The following PDXDC1 variants were observed in gnomAD, a reference collection of about 807,000 sequenced individuals.
PDXDC1 encodes pyridoxal dependent decarboxylase domain containing 1.
Under a neutral mutation model 100.1 loss-of-function variants are expected in PDXDC1, and 42 were observed. The observed-to-expected ratio is 0.42, with a 90% confidence interval of 0.33 to 0.54. PDXDC1 has a LOEUF of 0.54. Among genes scored for constraint, PDXDC1 ranks in the 20% least tolerant of loss-of-function variants. The pLI, the probability that PDXDC1 is intolerant of heterozygous loss-of-function variation, is 0.10. For missense variants in PDXDC1, 636 were observed against 979.2 expected (o/e 0.65, Z 4.68); for synonymous variants, 260 against 371.7 (o/e 0.70, Z 3.46).
At chr16:15,129,395 C>A (rs1598225404) in intron 16 of PDXDC1, among the ~76,000 whole-genome samples, 1 of 151,992 alleles carries the variant, frequency 6.6e-6, no homozygotes, top group Admixed American at 6.6e-5. Flanking sequence ...GCCAAGATCA[C>A]GCCACTGCAC....
intron 16 of PDXDC1, chr16:15,137,881 C>G: frequency 2.0e-6 from 2 of 975,790 alleles, no homozygotes; most frequent in Non-Finnish European, 3.2e-6. Context: ...GCGGCAGCCA[C>G]GCCAGGCCAC....
intron 16 of PDXDC1, among the ~76,000 whole-genome samples, chr16:15,049,650 T>C (rs938136997): frequency 6.6e-6 from 1 of 152,014 alleles, no homozygotes; most frequent in African/African-American, 2.4e-5. Context: ...GGTATCAAAC[T>C]CCTGGCCTCA....
chr16:15,133,572 G>C, intron 16 of PDXDC1: 1 of 1,045,584 alleles, frequency 9.6e-7, no homozygotes, highest in Non-Finnish European at 1.5e-6. Flanking sequence ...CTGAAACCCG[G>C]GGGCAGCACG....
At chr16:15,082,432 C>T (rs540116519) in intron 16 of PDXDC1, among the ~76,000 whole-genome samples, 2 of 152,002 alleles carry the variant, frequency 1.3e-5, no homozygotes, top group African/African-American at 2.4e-5. Context: ...CAACACTTTG[C>T]GAGGTGGAGA....
chr16:14,990,607 C>G (rs553617871), intron 1 of PDXDC1, among the ~76,000 whole-genome samples: 8 of 152,392 alleles, frequency 5.2e-5, no homozygotes, highest in African/African-American at 1.4e-4. Context: ...CCAATTAATG[C>G]AACAAACACG....
At chr16:15,128,289 G>A (rs2047862375) in intron 16 of PDXDC1, 4 of 1,610,462 alleles carry the variant, frequency 2.5e-6, no homozygotes, top group Non-Finnish European at 3.4e-6. Context: ...TCCGGAAGAT[G>A]TCCAGGCTGT....
At position 15,055,991 on chromosome 16, in the gene PDXDC1, G is replaced by A. The variant is rs939958871; in HGVS notation, c.1399+25935G>A. 7.2e-4 allele frequency: 862 copies of A among 1,202,690 alleles called. 8 individuals are homozygous for A. Among genetic ancestry groups the A allele is most frequent in the Middle Eastern group, 3.2e-4 (1 of 3,086 alleles). 74.5% of individuals were successfully genotyped at this position (1,202,690 alleles called of 1,614,324 possible). A position where few individuals can be genotyped will look rare whatever the true frequency, so the allele number is the denominator to read the frequency against. On this transcript the variant is annotated intron_variant, in intron 16 of 16. Transcript: ENST00000535621. ...CGGCATCGCGGAGGCGGCCGCCCAG[G>A]CAGGCCCAGGGAGGCGGCGGCCCCC...
At chr16:15,000,300 G>A (rs1972866268) in intron 3 of PDXDC1, among the ~76,000 whole-genome samples, 1 of 152,280 alleles carries the variant, frequency 6.6e-6, no homozygotes, top group African/African-American at 2.4e-5. Flanking sequence ...GCCAGGCACA[G>A]CTAAGTGCCA....
At chr16:15,076,674 A>G in intron 16 of PDXDC1, 1 of 1,488,460 alleles carries the variant, frequency 6.7e-7, no homozygotes, top group Non-Finnish European at 9.4e-7. Context: ...AGAAAAAAAA[A>G]GAATAAAAGG....
At chr16:15,132,536 G>A (rs535692175) in intron 16 of PDXDC1, among the ~76,000 whole-genome samples, 8 of 150,916 alleles carry the variant, frequency 5.3e-5, no homozygotes, top group South Asian at 2.1e-4. Context: ...GGCACCCTGC[G>A]TTCACACAGG....
intron 1 of PDXDC1, among the ~76,000 whole-genome samples, chr16:14,983,844 T>G (rs1968591767): frequency 6.6e-6 from 1 of 152,276 alleles, no homozygotes; most frequent in Non-Finnish European, 1.5e-5. Flanking sequence ...TTGTATATAG[T>G]GATATTACCA....
Position 15,035,540 on chromosome 16 carries a change from G to C in PDXDC1, c.2094G>C (p.Lys698Asn). 6 of 1,608,690 alleles carry C rather than the reference G, an allele frequency of 3.7e-6. No individual in the cohort carries two copies. The highest frequency in any genetic ancestry group is 5.1e-6 in the Non-Finnish European group (6 of 1,176,626). The change falls in exon 22 of 23, where the codon AAG (lysine) becomes AAC (asparagine). Residue 698 changes from lysine to asparagine, a missense_variant. Transcript: ENST00000396410. ...LPPTPSGSRT[K>N]QRLPGQKPFK... ...CAACGCCCTCGGGCAGTCGCACCAA[G>C]CAGAGGCTTCCAGGTAAGTGACGCC...
intron 16 of PDXDC1, chr16:15,091,201 A>C (rs1862013096): frequency 1.6e-6 from 2 of 1,281,260 alleles, no homozygotes; most frequent in Admixed American, 5.0e-5. Context: ...GATTAAAATA[A>C]GGGAGGACCA....
intron 16 of PDXDC1, chr16:15,094,293 A>C: frequency 4.3e-6 from 6 of 1,395,854 alleles, no homozygotes; most frequent in Non-Finnish European, 4.9e-6. Flanking sequence ...TTCCAGCCAC[A>C]GCCTCTGTCC....
chr16:14,999,004 G>T (rs1972584669), intron 3 of PDXDC1, among the ~76,000 whole-genome samples: 1 of 152,292 alleles, frequency 6.6e-6, no homozygotes, highest in African/African-American at 2.4e-5. Context: ...AGGATCACTT[G>T]AGCCCAGGAG....
At chr16:15,128,863 T>C (rs1296786971) in intron 16 of PDXDC1, among the ~76,000 whole-genome samples, 4 of 149,744 alleles carry the variant, frequency 2.7e-5, no homozygotes, top group Admixed American at 1.3e-4. Flanking sequence ...TGGAGTGCAG[T>C]GGCGCAATCT....
At chr16:15,152,057 G>A in the PDXDC1 span, among the ~76,000 whole-genome samples, 1 of 149,582 alleles carries the variant, frequency 6.7e-6, no homozygotes, top group African/African-American at 2.4e-5. Flanking sequence ...TCCCCACGGA[G>A]CTTCGAGCCA....
At chr16:15,101,843 T>G (rs2046560535) in intron 16 of PDXDC1, among the ~76,000 whole-genome samples, 1 of 151,272 alleles carries the variant, frequency 6.6e-6, no homozygotes, top group East Asian at 2.0e-4. Context: ...GGCGAGTTAA[T>G]TTTTTGTGTG....
rs765312981 is a variant in PDXDC1 at position 15,034,714 on chromosome 16, GTCC to G, written c.2002+168_2002+170del. Among the ~76,000 whole-genome samples, 272 of 152,208 alleles carry G rather than the reference GTCC, an allele frequency of 1.8e-3. 6 individuals carry two copies. The highest frequency in any genetic ancestry group is 0.01 in the Middle Eastern group (3 of 294). ...GAGGAGACAAGTTCTGGTGTGCCCT[GTCC>G]TCCTCCCCACCGCACCCTGGCGGCT... On this transcript the variant is annotated intron_variant, in intron 21 of 22. Transcript: ENST00000396410.
Sources: allele counts gnomAD v4.1 joint callset (sites outside exome capture counted in the v4.1 genomes callset), GRCh38; gene constraint gnomAD v4.1.1; transcripts MANE v1.5; gene names NCBI Gene and HGNC (gene_info 2026-07-23, HGNC 2026-07-21).